SYT17: variants seen among roughly 807,000 people sequenced by gnomAD.
SYT17 encodes synaptotagmin-17.
In SYT17, 22 loss-of-function variants were observed where a neutral mutation model predicts 46.7. The ratio of observed to expected loss-of-function variants is 0.47; its 90% CI spans 0.34 to 0.67. The LOEUF is 0.67. Ranked by LOEUF, SYT17 falls within the 30% of genes least tolerant of loss-of-function variation. SYT17 has a pLI of 0.01. For missense variants in SYT17, 519 were observed against 612.8 expected, an observed-to-expected ratio of 0.85 and a Z score of 1.62; for synonymous variants, 251 against 248.4, an observed-to-expected ratio of 1.01 and a Z score of -0.10.
rs151239394 is a variant in SYT17, at chr16:19,235,298, T to C, written c.1228+10460T>C. On this transcript the variant is annotated intron_variant, in intron 7 of 7. Transcript: ENST00000355377. ...CTACTAAAGACACTGAAAACCAAAC[T>C]ATAGGGTGGCTCACCACCTAGGTCC... Among the ~76,000 whole-genome samples, 43 of 152,216 alleles carry C rather than the reference T, an allele frequency of 2.8e-4. No homozygotes were observed. In the East Asian group the frequency reaches 3.3e-3, roughly 12 times the overall value.
chr16:19,196,452 G>T (rs528870877), intron 5 of SYT17, among the ~76,000 whole-genome samples: 1 of 151,784 alleles, frequency 6.6e-6, no homozygotes, highest in African/African-American at 2.4e-5. Flanking sequence ...CATGTTGGCC[G>T]GGCTGGTCTC....
chr16:19,251,090 A>G (rs759991348), intron 7 of SYT17, among the ~76,000 whole-genome samples: 3 of 152,212 alleles, frequency 2.0e-5, no homozygotes, highest in Non-Finnish European at 4.4e-5. Context: ...CAATTTACAT[A>G]TCCATTCTAG....
chr16:19,237,576 C>T (rs1363814394), intron 7 of SYT17, among the ~76,000 whole-genome samples: 4 of 152,196 alleles, frequency 2.6e-5, no homozygotes, highest in Non-Finnish European at 4.4e-5. Context: ...CATAATCCAC[C>T]CTTTAATCTA....
intron 5 of SYT17, among the ~76,000 whole-genome samples, chr16:19,197,246 C>T (rs888670103): frequency 7.2e-5 from 11 of 152,202 alleles, no homozygotes; most frequent in African/African-American, 2.7e-4. Context: ...GGGCCCAGGC[C>T]AGCGTCTTAC....
At chr16:19,213,314 A>G (rs922104478) in intron 5 of SYT17, among the ~76,000 whole-genome samples, 10 of 152,194 alleles carry the variant, frequency 6.6e-5, no homozygotes, top group African/African-American at 2.4e-4. Context: ...ACACAATCTA[A>G]GCTGAACCTG....
chr16:19,173,390 T>TC, intron 2 of SYT17, 40 bp from the exon 3 acceptor site: 1 of 35,464 alleles, frequency 2.8e-5, no homozygotes, highest in South Asian at 3.3e-4. Flanking sequence ...CCACCTCCCC[T>TC]CTCCCCCATC....
chr16:19,238,933 C>G (rs1418649466), intron 7 of SYT17, among the ~76,000 whole-genome samples: 1 of 152,188 alleles, frequency 6.6e-6, no homozygotes, highest in Admixed American at 6.5e-5. Context: ...TCATCTCATT[C>G]TGACTTTCCC....
At chr16:19,260,296 C>G (rs1968870071) in intron 7 of SYT17, among the ~76,000 whole-genome samples, 1 of 138,040 alleles carries the variant, frequency 7.2e-6, no homozygotes, top group African/African-American at 2.7e-5. Context: ...TAGAGACCAG[C>G]CTGAGCAACA....
chr16:19,220,019 A>G (rs1966248694), intron 5 of SYT17, among the ~76,000 whole-genome samples: 1 of 152,144 alleles, frequency 6.6e-6, no homozygotes, highest in Admixed American at 6.5e-5. Context: ...TGCCCTAAAG[A>G]CACCGCATCT....
At chr16:19,235,112 G>A (rs1372277052) in intron 7 of SYT17, among the ~76,000 whole-genome samples, 5 of 152,204 alleles carry the variant, frequency 3.3e-5, no homozygotes, top group African/African-American at 4.8e-5. Context: ...GAGCTGCAGA[G>A]CGAAGGGATT....
intron 4 of SYT17, among the ~76,000 whole-genome samples, chr16:19,181,868 G>A (rs1304025397): frequency 6.6e-6 from 1 of 151,944 alleles, no homozygotes; most frequent in East Asian, 1.9e-4. Flanking sequence ...GCATGGTAGC[G>A]CATGCCTGTA....
At chr16:19,262,379 A>T (rs1397728818) in intron 7 of SYT17, among the ~76,000 whole-genome samples, 1 of 152,172 alleles carries the variant, frequency 6.6e-6, no homozygotes, top group African/African-American at 2.4e-5. Flanking sequence ...CTCACCAGAC[A>T]CTGAATCTGC....
At chr16:19,242,886 G>A (rs1967238387) in intron 7 of SYT17, among the ~76,000 whole-genome samples, 1 of 152,074 alleles carries the variant, frequency 6.6e-6, no homozygotes, top group Admixed American at 6.5e-5. Flanking sequence ...TAGGCATGGA[G>A]GAAACAGAAC....
intron 5 of SYT17, among the ~76,000 whole-genome samples, chr16:19,188,979 C>T (rs753237904): frequency 6.6e-5 from 10 of 151,828 alleles, no homozygotes; most frequent in African/African-American, 2.4e-4. Context: ...CTCCGCCTCC[C>T]GGGTTCACGC....
chr16:19,203,586 T>C (rs1369406410), intron 5 of SYT17, among the ~76,000 whole-genome samples: 1 of 152,246 alleles, frequency 6.6e-6, no homozygotes, highest in Non-Finnish European at 1.5e-5. Flanking sequence ...CGGCTCTGGC[T>C]TGGATCTTGG....
chr16:19,264,914 C>T (rs373017448), intron 7 of SYT17, among the ~76,000 whole-genome samples: 1 of 152,034 alleles, frequency 6.6e-6, no homozygotes, highest in South Asian at 2.1e-4. Context: ...TTCTTAAAGC[C>T]CTTTCACAAA....
At position 19,183,595 on chromosome 16, in the gene SYT17, C is replaced by T. The variant is rs563420709; in HGVS notation, c.399C>T (p.Ser133=). The T allele has an allele frequency of 2.4e-5, 38 of 1,614,202 alleles. No individual in the cohort carries two copies. In the South Asian group the frequency reaches 2.4e-4, roughly 10 times the overall value. ...DIKPIEFGVL[S]AKKEPIQPSV... ...AACCCATCGAGTTTGGCGTTCTCAG[C>T]GCCAAGAAGGAGCCCATCCAACCTT... Residue 133 remains serine, a synonymous_variant, in exon 5 of 8, where the codon AGC becomes AGT. Coordinates refer to ENST00000355377, the MANE Select transcript of SYT17 (RefSeq NM_016524.4). The surrounding 1 kb of genome is among the most constrained non-coding windows in gnomAD (Gnocchi z 5.6).
chr16:19,220,548 G>A (rs948790349), intron 5 of SYT17, among the ~76,000 whole-genome samples: 11 of 151,932 alleles, frequency 7.2e-5, no homozygotes, highest in South Asian at 2.1e-4. Flanking sequence ...ATCCACCCAC[G>A]TTGGCCTCCC....
At chr16:19,196,201 CT>C (rs1965235607) in intron 5 of SYT17, among the ~76,000 whole-genome samples, 1 of 151,688 alleles carries the variant, frequency 6.6e-6, no homozygotes, top group Non-Finnish European at 1.5e-5. Context: ...ATTTATACTA[CT>C]TTGGTCATAA....
Sources: allele counts gnomAD v4.1 joint callset (sites outside exome capture counted in the v4.1 genomes callset), GRCh38; gene constraint gnomAD v4.1.1; non-coding constraint Gnocchi (gnomAD v3.1); transcripts MANE v1.5; gene names NCBI Gene and HGNC (gene_info 2026-07-23, HGNC 2026-07-21).